DRC11: variants seen among roughly 807,000 people sequenced by gnomAD.
The protein encoded by DRC11 is IQ and AAA domain-containing protein 1.
At chr2:236,493,621 G>T in the DRC11 span, 1 of 548,506 alleles carries the variant, frequency 1.8e-6, no homozygotes, top group Non-Finnish European at 3.0e-6. Context: ...CAAAAGTTAT[G>T]CAACTTCTTA....
chr2:236,320,136 G>A, the DRC11 span, among the ~76,000 whole-genome samples: 2 of 152,230 alleles, frequency 1.3e-5, no homozygotes, highest in South Asian at 2.1e-4. Context: ...CTGCACTGAC[G>A]AATGAATGAT....
chr2:236,333,265 C>A, the DRC11 span: 2 of 145,426 alleles, frequency 1.4e-5, no homozygotes, highest in African/African-American at 5.2e-5. The surrounding 1 kb of genome is among the most constrained non-coding windows in gnomAD (Gnocchi z 6.0). Context: ...AAAGACAACA[C>A]AAAATAGGCT....
the DRC11 span, among the ~76,000 whole-genome samples, chr2:236,464,113 T>A: frequency 4.3e-3 from 652 of 152,280 alleles, 7 homozygotes; most frequent in African/African-American, 0.015. Flanking sequence ...GTGAGCAGGA[T>A]GAAAGTGATA....
At chr2:236,331,511 A>G in the DRC11 span, 1 of 1,614,004 alleles carries the variant, frequency 6.2e-7, no homozygotes. The surrounding 1 kb of genome is among the most constrained non-coding windows in gnomAD (Gnocchi z 4.8). Flanking sequence ...CCTTGGGTGA[A>G]GCCGTCAGTG....
chr2:236,357,337 AATATATATATTATAT>A, the DRC11 span, among the ~76,000 whole-genome samples: 1 of 115,614 alleles, frequency 8.6e-6, no homozygotes, highest in East Asian at 2.4e-4. Flanking sequence ...TTCATATATG[AATATATATATTATAT>A]GTATATATAT....
the DRC11 span, chr2:236,343,852 G>T: frequency 2.6e-6 from 2 of 769,350 alleles, no homozygotes; most frequent in East Asian, 1.3e-4. The surrounding 1 kb of genome is among the most constrained non-coding windows in gnomAD (Gnocchi z 6.6). Flanking sequence ...GGGAAGAAAA[G>T]ATTGAGCTTC....
the DRC11 span, among the ~76,000 whole-genome samples, chr2:236,500,118 T>TGATGATGATGGC: frequency 5.2e-3 from 778 of 150,442 alleles, 1 homozygote; most frequent in African/African-American, 0.018. The surrounding 1 kb of genome is among the most constrained non-coding windows in gnomAD (Gnocchi z 6.3). Flanking sequence ...ATGATGATGA[T>TGATGATGATGGC]GGCGAAGGTA....
At chr2:236,308,932 T>C in the DRC11 span, among the ~76,000 whole-genome samples, 3 of 152,216 alleles carry the variant, frequency 2.0e-5, no homozygotes, top group African/African-American at 7.2e-5. This position sits in a 1 kb window ranked among gnomAD's most constrained non-coding sequence, Gnocchi z 6.0. Flanking sequence ...AACACGTGCT[T>C]CTGCTGCAGG....
chr2:236,493,503 T>G, the DRC11 span, among the ~76,000 whole-genome samples: 1 of 152,250 alleles, frequency 6.6e-6, no homozygotes, highest in African/African-American at 2.4e-5. Flanking sequence ...TAAACTGCGT[T>G]GATAATCAAC....
chr2:236,393,791 G>GGCCACCT, the DRC11 span, among the ~76,000 whole-genome samples: 1 of 152,140 alleles, frequency 6.6e-6, no homozygotes, highest in Non-Finnish European at 1.5e-5. This position sits in a 1 kb window ranked among gnomAD's most constrained non-coding sequence, Gnocchi z 4.7. Context: ...CGAGGGTTTT[G>GGCCACCT]GCCACCTGCC....
the DRC11 span, chr2:236,343,673 C>T: frequency 1.7e-4 from 211 of 1,264,278 alleles, no homozygotes; most frequent in Non-Finnish European, 2.0e-4. The surrounding 1 kb of genome is among the most constrained non-coding windows in gnomAD (Gnocchi z 6.6). Flanking sequence ...GTGGAGAACC[C>T]GGTCATTCCT....
the DRC11 span, among the ~76,000 whole-genome samples, chr2:236,397,668 T>C: frequency 6.6e-6 from 1 of 152,230 alleles, no homozygotes; most frequent in African/African-American, 2.4e-5. This position sits in a 1 kb window ranked among gnomAD's most constrained non-coding sequence, Gnocchi z 5.0. Context: ...AATGATGATA[T>C]GCAAAGCAGA....
the DRC11 span, among the ~76,000 whole-genome samples, chr2:236,436,752 A>G: frequency 6.6e-6 from 1 of 152,174 alleles, no homozygotes; most frequent in African/African-American, 2.4e-5. Flanking sequence ...GTTTGGAAGA[A>G]TTAAATGAGT....
the DRC11 span, among the ~76,000 whole-genome samples, chr2:236,446,754 C>T: frequency 6.6e-6 from 1 of 152,206 alleles, no homozygotes; most frequent in African/African-American, 2.4e-5. The surrounding 1 kb of genome is among the most constrained non-coding windows in gnomAD (Gnocchi z 6.2). Flanking sequence ...TGCTGGGCTC[C>T]AGGCCCTGGA....
the DRC11 span, chr2:236,507,419 C>A: frequency 5.3e-6 from 4 of 750,562 alleles, no homozygotes; most frequent in African/African-American, 7.0e-5. Context: ...CTGCGAGAAT[C>A]TTCTGCTTCG....
At chr2:236,361,851 A>G in the DRC11 span, among the ~76,000 whole-genome samples, 9 of 152,220 alleles carry the variant, frequency 5.9e-5, no homozygotes, top group Non-Finnish European at 5.9e-5. This position sits in a 1 kb window ranked among gnomAD's most constrained non-coding sequence, Gnocchi z 5.7. Flanking sequence ...AAACCCAACT[A>G]TGTGCTATCC....
chr2:236,311,820 C>G, the DRC11 span, among the ~76,000 whole-genome samples: 2 of 151,700 alleles, frequency 1.3e-5, no homozygotes, highest in Admixed American at 1.3e-4. The surrounding 1 kb of genome is among the most constrained non-coding windows in gnomAD (Gnocchi z 6.9). Context: ...TGGAGTGTGA[C>G]AGGATGCTAA....
the DRC11 span, among the ~76,000 whole-genome samples, chr2:236,329,267 CTCACT>C: frequency 6.6e-6 from 1 of 152,164 alleles, no homozygotes; most frequent in Non-Finnish European, 1.5e-5. Context: ...GCCGTGTAAC[CTCACT>C]TATTTTCAGG....
At chr2:236,459,510 TAC>T in the DRC11 span, among the ~76,000 whole-genome samples, 1 of 102,766 alleles carries the variant, frequency 9.7e-6, no homozygotes, top group Non-Finnish European at 2.1e-5. Flanking sequence ...TGTATACGTA[TAC>T]GTATACATGT....
Sources: gnomAD v4.1 joint callset for allele counts (sites outside exome capture counted in the v4.1 genomes callset) on GRCh38, gnomAD v4.1.1 for gene constraint, Gnocchi (gnomAD v3.1) non-coding constraint, MANE v1.5 for transcripts, NCBI Gene and HGNC (gene_info 2026-07-23, HGNC 2026-07-21) for gene names.